Variants in RELN observed in about 807,000 individuals in gnomAD.
RELN encodes reelin.
A neutral mutation model predicts 427.6 loss-of-function variants in RELN; 108 were observed. The ratio of observed to expected loss-of-function variants is 0.25; its 90% CI spans 0.22 to 0.30. RELN has a LOEUF of 0.30. Among genes scored for constraint, RELN ranks in the 10% least tolerant of loss-of-function variants. RELN has a pLI of 1.00. For synonymous variants in RELN, 1,524 were observed against 1,513.4 expected, an observed-to-expected ratio of 1.01 and a Z score of -0.16; for missense variants, 3,715 against 4,302.8, an observed-to-expected ratio of 0.86 and a Z score of 3.82.
At chr7:103,591,947 C>T (rs1379584511) in intron 27 of RELN, among the ~76,000 whole-genome samples, 1 of 152,048 alleles carries the variant, frequency 6.6e-6, no homozygotes, top group Non-Finnish European at 1.5e-5. Flanking sequence ...AAAAATAAAA[C>T]AAAAGAAAAT....
intron 3 of RELN, among the ~76,000 whole-genome samples, chr7:103,815,536 A>G (rs2116353432): frequency 6.6e-6 from 1 of 152,348 alleles, no homozygotes; most frequent in Admixed American, 6.5e-5. Context: ...TTTGCCAGTG[A>G]TTCATACTTC....
At chr7:103,566,184 T>A in intron 33 of RELN, 40 bp downstream of exon 33, 1 of 1,519,804 alleles carries the variant, frequency 6.6e-7, no homozygotes, top group Non-Finnish European at 9.1e-7. Context: ...AGTCCTCTAG[T>A]TAATCAGATA....
intron 8 of RELN, among the ~76,000 whole-genome samples, chr7:103,717,871 G>C (rs797012751): frequency 6.6e-6 from 1 of 152,096 alleles, no homozygotes. Flanking sequence ...TGGAGGAATC[G>C]ATTTCTCCTC....
chr7:103,833,219 AC>A (rs1170555697), intron 3 of RELN, among the ~76,000 whole-genome samples: 2 of 152,026 alleles, frequency 1.3e-5, no homozygotes, highest in African/African-American at 4.8e-5. Flanking sequence ...GACACTTGGT[AC>A]CCTTTAAAAA....
chr7:103,522,981 G>A (rs1302896691), intron 47 of RELN, among the ~76,000 whole-genome samples: 1 of 152,078 alleles, frequency 6.6e-6, no homozygotes, highest in Non-Finnish European at 1.5e-5. Flanking sequence ...AAACAACATA[G>A]CAATATAAAT....
chr7:103,743,976 C>G (rs1790745718), intron 6 of RELN, among the ~76,000 whole-genome samples: 1 of 152,230 alleles, frequency 6.6e-6, no homozygotes, highest in Non-Finnish European at 1.5e-5. Context: ...TTCAGCACCA[C>G]ACCACACCTA....
At chr7:103,883,862 G>C (rs1310370085) in intron 2 of RELN, among the ~76,000 whole-genome samples, 2 of 152,156 alleles carry the variant, frequency 1.3e-5, no homozygotes, top group Non-Finnish European at 1.5e-5. Context: ...ACTGCCCAAA[G>C]TAATTTATAG....
rs576878245 is a variant in RELN, at chr7:103,710,127, G to A, written c.806-9121C>T. On this transcript the variant is annotated intron_variant, in intron 8 of 64. Coordinates refer to ENST00000428762, the MANE Select transcript of RELN (RefSeq NM_005045.4). ...TTTACCATGAAGCTGATGAAGCTTC[G>A]GCTTCATGGCCCTCACTTTGGTTAG... is the stretch of plus-strand genomic sequence containing the variant. Among the ~76,000 whole-genome samples the A allele has an allele frequency of 5.3e-5, 8 of 152,260 alleles. No individual in the cohort carries two copies. In the South Asian group the frequency reaches 1.5e-3, roughly 28 times the overall value.
chr7:103,539,982 T>C (rs541427970), intron 44 of RELN, among the ~76,000 whole-genome samples: 1 of 152,326 alleles, frequency 6.6e-6, no homozygotes, highest in Admixed American at 6.5e-5. Flanking sequence ...CCTTCTGTTA[T>C]GTTGTTTATT....
chr7:103,989,479 G>A lies in RELN; in HGVS notation c.-123C>T. On this transcript the variant is annotated 5_prime_UTR_variant, in exon 1 of 65. Transcript: ENST00000428762. This position sits in a 1 kb window ranked among gnomAD's most constrained non-coding sequence, Gnocchi z 4.9. ...AGAAGAAGGCGGACGGGAGCGGAAC[G>A]GGCTCGGGAGCGGGCCTGGGAGCGG... 1 of 851,608 alleles carries A rather than the reference G, an allele frequency of 1.2e-6. No homozygotes were observed. The highest frequency in any genetic ancestry group is 1.6e-6 in the Non-Finnish European group (1 of 615,368). The allele number at this position is 851,608 out of a possible 1,614,324, so 52.8% of individuals were successfully genotyped here. A position where few individuals can be genotyped will look rare whatever the true frequency, so the allele number is the denominator to read the frequency against.
At chr7:103,554,515 A>G (rs1481587607) in intron 38 of RELN, among the ~76,000 whole-genome samples, 1 of 145,464 alleles carries the variant, frequency 6.9e-6, no homozygotes, top group African/African-American at 2.6e-5. Context: ...GGTTGCAGTG[A>G]GCCAAGATCA....
intron 22 of RELN, among the ~76,000 whole-genome samples, chr7:103,606,884 T>C (rs1013946761): frequency 6.6e-6 from 1 of 152,044 alleles, no homozygotes; most frequent in Admixed American, 6.6e-5. Flanking sequence ...CCTGTGTCCA[T>C]GTGTTCTCAT....
At chr7:103,662,376 C>T (rs1833162458) in intron 11 of RELN, among the ~76,000 whole-genome samples, 1 of 152,122 alleles carries the variant, frequency 6.6e-6, no homozygotes, top group African/African-American at 2.4e-5. Context: ...AATCCTAGTA[C>T]TTTGGGAAGC....
intron 18 of RELN, 115 bp downstream of exon 18, chr7:103,636,120 C>G (rs1282823893): frequency 5.1e-6 from 4 of 790,892 alleles, no homozygotes; most frequent in East Asian, 2.7e-5. Context: ...CCCTCCAACC[C>G]TAGTTAAAAA....
intron 8 of RELN, among the ~76,000 whole-genome samples, chr7:103,714,581 T>C (rs765622835): frequency 1.2e-4 from 18 of 152,216 alleles, no homozygotes; most frequent in Admixed American, 2.6e-4. Flanking sequence ...GAGCAGCTTC[T>C]GGCTCTCATG....
chr7:103,681,892 G>T (rs940477040), intron 11 of RELN, among the ~76,000 whole-genome samples: 1 of 152,132 alleles, frequency 6.6e-6, no homozygotes, highest in Admixed American at 6.6e-5. Context: ...TGAGTCAAGT[G>T]AACTTAAAAG....
At chr7:103,478,582 A>G (rs958745762) in intron 63 of RELN, 188 bp from the exon 64 acceptor site, 5 of 611,552 alleles carry the variant, frequency 8.2e-6, no homozygotes, top group Non-Finnish European at 1.2e-5. Flanking sequence ...CAAGATCTAC[A>G]TATACTTTTC....
At chr7:103,666,483 C>A (rs1283102314) in intron 11 of RELN, among the ~76,000 whole-genome samples, 5 of 152,110 alleles carry the variant, frequency 3.3e-5, no homozygotes, top group East Asian at 1.9e-4. Flanking sequence ...TATCTCATAT[C>A]TCTCTTATCT....
chr7:103,546,166 G>T (rs1434110950), intron 41 of RELN, among the ~76,000 whole-genome samples: 2 of 152,108 alleles, frequency 1.3e-5, no homozygotes, highest in Non-Finnish European at 2.9e-5. Context: ...CTCCCTCCCT[G>T]ACAACTGACA....
Sources: allele counts gnomAD v4.1 joint callset (sites outside exome capture counted in the v4.1 genomes callset), GRCh38; gene constraint gnomAD v4.1.1; non-coding constraint Gnocchi (gnomAD v3.1); transcripts MANE v1.5; gene names NCBI Gene and HGNC (gene_info 2026-07-23, HGNC 2026-07-21).